TRIM44: variants seen among roughly 807,000 people sequenced by gnomAD.
The protein encoded by TRIM44 is tripartite motif-containing protein 44.
A neutral mutation model predicts 37.4 loss-of-function variants in TRIM44; 13 were observed. The ratio of observed to expected loss-of-function variants is 0.35; its 90% confidence interval spans 0.23 to 0.55. The LOEUF (loss-of-function observed/expected upper bound fraction) is 0.55, where lower values mean the gene tolerates loss of function less well. Among genes scored for constraint, TRIM44 ranks in the 20% least tolerant of loss-of-function variants. The pLI is 0.89. For missense variants in TRIM44, 426 were observed against 437.2 expected (o/e 0.97, Z 0.23); for synonymous variants, 175 against 157.2 (o/e 1.11, Z -0.85).
rs1853521446 is a variant in TRIM44, at chr11:35,810,952, A to T, written c.*4567A>T. ...TAATGTTTCAGTATATCATTTTCATACTGTAAATTATTTTGTAAGAGAGAT... is the reference window on the plus strand; with the variant it reads ...TAATGTTTCAGTATATCATTTTCATTCTGTAAATTATTTTGTAAGAGAGAT... On this transcript the variant is annotated 3_prime_UTR_variant, in exon 5 of 5. Transcript: ENST00000299413. The T allele has an allele frequency of 6.6e-6, 1 of 152,166 alleles. No individual in the cohort carries two copies. Among genetic ancestry groups the T allele is most frequent in the Admixed American group, 6.5e-5 (1 of 15,278 alleles). The allele number at this position is 152,166 out of a possible 1,614,324, so 9.4% of individuals were successfully genotyped here.
intron 4 of TRIM44, among the ~76,000 whole-genome samples, chr11:35,790,892 G>A (rs1853200647): frequency 6.6e-6 from 1 of 152,172 alleles, no homozygotes; most frequent in East Asian, 1.9e-4. Context: ...GTAGTAAACA[G>A]GGAAGGAACA....
At chr11:35,797,299 G>C (rs1442099200) in intron 4 of TRIM44, among the ~76,000 whole-genome samples, 1 of 152,126 alleles carries the variant, frequency 6.6e-6, no homozygotes, top group African/African-American at 2.4e-5. Flanking sequence ...AGTCCATTCT[G>C]ATATAAATGA....
At chr11:35,765,871 G>A (rs1852791959) in intron 4 of TRIM44, among the ~76,000 whole-genome samples, 1 of 152,100 alleles carries the variant, frequency 6.6e-6, no homozygotes, top group African/African-American at 2.4e-5. Context: ...TATGTCTCCT[G>A]TTTCTTACTG....
At chr11:35,761,403 C>A (rs78090756) in intron 4 of TRIM44, among the ~76,000 whole-genome samples, 9,112 of 97,318 alleles carry the variant, frequency 0.094, 587 homozygotes, top group African/African-American at 0.2. Flanking sequence ...CTCTCTCTCT[C>A]TCTATATATA....
intron 4 of TRIM44, among the ~76,000 whole-genome samples, chr11:35,783,418 C>CATTATTTCTTCAT (rs1323588072): frequency 6.6e-6 from 1 of 152,202 alleles, no homozygotes; most frequent in Non-Finnish European, 1.5e-5. Flanking sequence ...TGACCCACTC[C>CATTATTTCTTCAT]TGTTTCTTCA....
intron 1 of TRIM44, among the ~76,000 whole-genome samples, chr11:35,664,968 G>C (rs1048168449): frequency 6.6e-6 from 1 of 152,084 alleles, no homozygotes; most frequent in African/African-American, 2.4e-5. Flanking sequence ...TTGACACTAT[G>C]GGTGTCATAT....
chr11:35,748,014 G>A (rs974394130), intron 4 of TRIM44, among the ~76,000 whole-genome samples: 1 of 152,082 alleles, frequency 6.6e-6, no homozygotes, highest in Non-Finnish European at 1.5e-5. Flanking sequence ...TTTGGCACTC[G>A]TTCCCTCAGG....
chr11:35,777,745 G>T (rs571682619), intron 4 of TRIM44, among the ~76,000 whole-genome samples: 1 of 152,172 alleles, frequency 6.6e-6, no homozygotes, highest in East Asian at 1.9e-4. Flanking sequence ...GAAATTCTGG[G>T]TTGAAAATTC....
intron 2 of TRIM44, among the ~76,000 whole-genome samples, chr11:35,714,921 C>G (rs919073866): frequency 1.1e-4 from 16 of 152,128 alleles, no homozygotes; most frequent in Admixed American, 1.0e-3. Flanking sequence ...CTGGGTGTCT[C>G]TGGGGACACA....
intron 2 of TRIM44, among the ~76,000 whole-genome samples, chr11:35,692,744 A>G (rs1400938032): frequency 1.3e-5 from 2 of 152,250 alleles, no homozygotes; most frequent in East Asian, 3.9e-4. Flanking sequence ...CAACACAGTG[A>G]AACCTCATCT....
At chr11:35,745,345 T>G (rs573746405) in intron 4 of TRIM44, among the ~76,000 whole-genome samples, 2 of 152,346 alleles carry the variant, frequency 1.3e-5, no homozygotes, top group Non-Finnish European at 2.9e-5. Context: ...GGCGTATTCA[T>G]GCCCACTTTT....
intron 4 of TRIM44, among the ~76,000 whole-genome samples, chr11:35,742,058 C>T (rs1852404040): frequency 6.6e-6 from 1 of 151,964 alleles, no homozygotes; most frequent in African/African-American, 2.4e-5. Flanking sequence ...AGCCTCCCAC[C>T]CCCATCAGCG....
intron 2 of TRIM44, among the ~76,000 whole-genome samples, chr11:35,696,071 T>C (rs985945973): frequency 6.6e-6 from 1 of 152,042 alleles, no homozygotes; most frequent in African/African-American, 2.4e-5. Flanking sequence ...TTTAAAACAC[T>C]TGATACTATG....
intron 4 of TRIM44, among the ~76,000 whole-genome samples, chr11:35,794,503 G>C (rs1853256115): frequency 6.6e-6 from 1 of 152,196 alleles, no homozygotes; most frequent in Non-Finnish European, 1.5e-5. Flanking sequence ...AGTATTCCCT[G>C]TCCATGGGCC....
chr11:35,678,987 A>ATT (rs200176750), intron 1 of TRIM44, among the ~76,000 whole-genome samples: 9 of 140,494 alleles, frequency 6.4e-5, no homozygotes, highest in African/African-American at 2.1e-4. Flanking sequence ...AGTTGGATTG[A>ATT]TTTTTTTTTT....
intron 4 of TRIM44, among the ~76,000 whole-genome samples, chr11:35,769,373 C>T (rs1852837192): frequency 6.6e-6 from 1 of 152,200 alleles, no homozygotes. Context: ...CTCATCAGTT[C>T]ACAGTTGGCA....
chr11:35,747,943 C>T (rs3105266), intron 4 of TRIM44, among the ~76,000 whole-genome samples: 3,894 of 152,088 alleles, frequency 0.026, 126 homozygotes, highest in African/African-American at 0.073. Context: ...TAGCAATTAC[C>T]GGCAAGTTGC....
Position 35,662,874 on chromosome 11 carries a change from C to T in TRIM44, c.-238C>T, listed in dbSNP as rs890516481. 5.5e-6 allele frequency: 3 copies of T among 545,082 alleles called. No homozygotes were observed. Among genetic ancestry groups the T allele is most frequent in the African/African-American group, 2.0e-5 (1 of 50,936 alleles). 33.8% of individuals were successfully genotyped at this position (545,082 alleles called of 1,614,324 possible). ...GGGTGGCCGCGCCGGAAGTGCCTTG[C>T]GCGGCAGAGGAAGCGCAGGGACAGA... On this transcript the variant is annotated 5_prime_UTR_variant, in exon 1 of 5. Transcript: ENST00000299413.
At chr11:35,750,164 A>G (rs1373309623) in intron 4 of TRIM44, among the ~76,000 whole-genome samples, 1 of 152,228 alleles carries the variant, frequency 6.6e-6, no homozygotes. Flanking sequence ...AAATTTGATC[A>G]AGTGTCTACT....
Sources: gnomAD v4.1 joint callset for allele counts (sites outside exome capture counted in the v4.1 genomes callset) on GRCh38, gnomAD v4.1.1 for gene constraint, MANE v1.5 for transcripts, NCBI Gene and HGNC (gene_info 2026-07-23, HGNC 2026-07-21) for gene names.